MED13: variants seen among roughly 807,000 people sequenced by gnomAD.
MED13 encodes the protein mediator of RNA polymerase II transcription subunit 13.
MED13 carries 23 observed loss-of-function variants against 225.2 expected under a neutral mutation model. The ratio of observed to expected loss-of-function variants is 0.10; its 90% CI spans 0.07 to 0.14. The LOEUF (loss-of-function observed/expected upper bound fraction) is 0.14, where lower values mean the gene tolerates loss of function less well. Ranked by LOEUF, MED13 falls within the 10% of genes least tolerant of loss-of-function variation. The probability of loss-of-function intolerance (pLI) is 1.00; values close to 1 mark genes in which losing one functional copy is unlikely to be tolerated. For missense variants in MED13, 2,197 were observed against 2,594.5 expected (o/e 0.85, Z 3.33); for synonymous variants, 942 against 889.2 (o/e 1.06, Z -1.06).
Position 61,965,012 on chromosome 17 carries a change from G to A in MED13, c.4838C>T (p.Ser1613Phe), listed in dbSNP as rs760013138. 1.2e-5 allele frequency: 20 copies of A among 1,613,212 alleles called. No homozygotes were observed. Among genetic ancestry groups the A allele is most frequent in the Non-Finnish European group, 1.6e-5 (19 of 1,179,456 alleles). Residue 1613 changes from serine to phenylalanine, a missense_variant, in exon 20 of 30, where the codon TCT (serine) becomes TTT (phenylalanine). Ser to Phe is a radical substitution (Grantham distance 155). Around this residue, in one of 12 missense-constraint regions of MED13, gnomAD observed 457 missense variants for 442.2 expected, o/e 1.03. Transcript: ENST00000397786. The stretch of plus-strand genomic sequence containing the variant: ...TCAGTATTTTTAAAGGTACCTTTCA[G>A]ACACATCAGGATGCGGCTGAGTGGG... Reference protein sequence around the residue: ...SLPTQPHPDVSESTMDRDKVG... With the variant: ...SLPTQPHPDVFESTMDRDKVG...
rs531204501 is a variant in MED13 at position 61,986,367 on chromosome 17, G to T, written c.2385+640C>A. 5.9e-5 allele frequency among the ~76,000 whole-genome samples: 9 copies of T among 152,244 alleles called. No homozygotes were observed. The South Asian group carries it at 1.9e-3, about 32-fold the overall frequency. ...ATAGAAGTTTCCAAGCTACCTTTAT[G>T]CAGATGAAAAGGAATTCCCTTTTAT... On this transcript the variant is annotated intron_variant, in intron 12 of 29. Transcript: ENST00000397786.
At chr17:62,007,929 A>C (rs1223999020) in intron 9 of MED13, among the ~76,000 whole-genome samples, 2 of 146,672 alleles carry the variant, frequency 1.4e-5, no homozygotes, top group East Asian at 4.2e-4. Context: ...TGAGACAGGA[A>C]AATGGCCTGA....
At chr17:62,008,793 A>C (rs913762251) in intron 9 of MED13, among the ~76,000 whole-genome samples, 2 of 152,192 alleles carry the variant, frequency 1.3e-5, no homozygotes, top group African/African-American at 4.8e-5. Context: ...GAGTCTAATC[A>C]AAATGAAATC....
intron 17 of MED13, among the ~76,000 whole-genome samples, chr17:61,971,903 C>T (rs758908588): frequency 7.2e-5 from 11 of 151,966 alleles, no homozygotes; most frequent in Non-Finnish European, 1.2e-4. Flanking sequence ...CAGTGCACTC[C>T]AGCCTGGGCG....
intron 27 of MED13, 95 bp downstream of exon 27, chr17:61,952,870 C>T (rs947914671): frequency 1.5e-5 from 21 of 1,399,608 alleles, no homozygotes; most frequent in East Asian, 7.0e-5. Flanking sequence ...CTCCTGACCT[C>T]GTGATCCACC....
chr17:61,982,220 T>A lies in MED13; in HGVS notation c.3783A>T (p.Leu1261Phe), dbSNP rs775322768. 6.2e-7 allele frequency: 1 copy of A among 1,613,162 alleles called. No homozygotes were observed. Among genetic ancestry groups the A allele is most frequent in the Non-Finnish European group, 8.5e-7 (1 of 1,179,554 alleles). ...TACCGTTTCTTTTGGACCAGGGGTG[T>A]AAGCATGAACTTTTCACAAGTGCTT... ...VDEALVKSSC[L>F]HPWSKRNDVS... is the part of the protein sequence containing the mutation. The change falls in exon 16 of 30, where the codon TTA becomes TTT. Residue 1261 changes from leucine to phenylalanine, a missense_variant. Transcript: ENST00000397786.
At chr17:62,005,436 T>C (rs937042579) in intron 9 of MED13, 1 of 152,048 alleles carries the variant, frequency 6.6e-6, no homozygotes, top group Non-Finnish European at 1.5e-5. Context: ...TGAAACCTGA[T>C]CTCTACTAAA....
intron 8 of MED13, among the ~76,000 whole-genome samples, chr17:62,012,058 A>C (rs2080514842): frequency 6.6e-6 from 1 of 151,854 alleles, no homozygotes; most frequent in Admixed American, 6.6e-5. Context: ...CCTTACAAAA[A>C]ATAAAAAATT....
At chr17:61,971,951 A>G (rs1397183137) in intron 17 of MED13, among the ~76,000 whole-genome samples, 1 of 151,886 alleles carries the variant, frequency 6.6e-6, no homozygotes, top group Non-Finnish European at 1.5e-5. Flanking sequence ...AACCAAATAA[A>G]TAAAATAAAA....
At chr17:62,024,677 C>T (rs139702867) in intron 8 of MED13, among the ~76,000 whole-genome samples, 22 of 152,278 alleles carry the variant, frequency 1.4e-4, no homozygotes, top group Non-Finnish European at 2.9e-4. Flanking sequence ...ATTTTTTCTG[C>T]TCCTCTCCCT....
At chr17:62,011,299 T>C (rs2080506739) in intron 8 of MED13, 66 bp from the exon 9 acceptor site, 1 of 1,356,248 alleles carries the variant, frequency 7.4e-7, no homozygotes, top group African/African-American at 1.5e-5. Context: ...TAATACCAGT[T>C]AATAGTATTA....
chr17:62,033,011 A>G (rs2080771058), intron 5 of MED13, among the ~76,000 whole-genome samples: 1 of 152,084 alleles, frequency 6.6e-6, no homozygotes, highest in African/African-American at 2.4e-5. Flanking sequence ...TTAGGTGGGC[A>G]TGGTGGCATG....
rs189499992 is a variant in MED13, at chr17:61,977,642, G to A, written c.3805+4556C>T. Among the ~76,000 whole-genome samples the A allele has an allele frequency of 3.3e-3, 507 of 152,134 alleles. 4 individuals carry two copies. Among genetic ancestry groups the A allele is most frequent in the Non-Finnish European group, 5.2e-3 (351 of 67,988 alleles). On this transcript the variant is annotated intron_variant, in intron 16 of 29. Coordinates refer to ENST00000397786, the MANE Select transcript of MED13 (RefSeq NM_005121.3). ...AATTTTTTGTAGTTTTAGTAGAGACGGGGTTTTACCGTGTTAGCCAGGATG... is the reference window on the plus strand; with the variant it reads ...AATTTTTTGTAGTTTTAGTAGAGACAGGGTTTTACCGTGTTAGCCAGGATG...
At chr17:62,050,527 T>C (rs2080947695) in intron 3 of MED13, among the ~76,000 whole-genome samples, 1 of 151,214 alleles carries the variant, frequency 6.6e-6, no homozygotes, top group Non-Finnish European at 1.5e-5. Flanking sequence ...ACTAGATTAA[T>C]CCTAAATGAT....
chr17:62,057,084 C>T (rs568997210), intron 2 of MED13, among the ~76,000 whole-genome samples: 80 of 152,194 alleles, frequency 5.3e-4, no homozygotes, highest in African/African-American at 1.8e-3. Flanking sequence ...AAAAAAATGG[C>T]ATCTTTAAAT....
chr17:61,978,764 C>T (rs1169174619), intron 16 of MED13, among the ~76,000 whole-genome samples: 1 of 152,084 alleles, frequency 6.6e-6, no homozygotes, highest in Non-Finnish European at 1.5e-5. Flanking sequence ...TTAAAATAAT[C>T]TTTCCTTTTT....
chr17:62,011,105 C>A lies in MED13; in HGVS notation c.1412G>T (p.Arg471Leu). 1 of 1,614,154 alleles carries A rather than the reference C, an allele frequency of 6.2e-7. No homozygotes were observed. Among genetic ancestry groups the A allele is most frequent in the Non-Finnish European group, 8.5e-7 (1 of 1,180,010 alleles). ...ACGATGGTGAAAAGGAGTCAAGGGGCGTTTCTGTGGCTTTTCACTCTTTTC... is the reference window on the plus strand; with the variant it reads ...ACGATGGTGAAAAGGAGTCAAGGGGAGTTTCTGTGGCTTTTCACTCTTTTC... ...KQEKSEKPQK[R>L]PLTPFHHRVS... Residue 471 changes from arginine (R) to leucine (L), a missense_variant, in exon 9 of 30, where the codon CGC becomes CTC. Physicochemically the swap from Arg to Leu is moderately radical, Grantham distance 102. Transcript: ENST00000397786.
rs550601833 is a variant in MED13, at chr17:61,992,642, T to G, written c.2182-21A>C. 6.0e-6 allele frequency: 9 copies of G among 1,508,194 alleles called. No homozygotes were observed. In the African/African-American group the frequency reaches 1.2e-4, roughly 21 times the overall value. The allele number at this position is 1,508,194 out of a possible 1,614,324, so 93.4% of individuals were successfully genotyped here. A position where few individuals can be genotyped will look rare whatever the true frequency, so the allele number is the denominator to read the frequency against. On this transcript the variant is annotated intron_variant, in intron 10 of 29. Coordinates refer to ENST00000397786, the MANE Select transcript of MED13 (RefSeq NM_005121.3). ...TCTACCTGCAAACAAATATTTCATG[T>G]TAGGCTGAAATATATAATTTACCAA...
intron 3 of MED13, among the ~76,000 whole-genome samples, chr17:62,044,869 C>G (rs2080885453): frequency 6.6e-6 from 1 of 152,188 alleles, no homozygotes; most frequent in Admixed American, 6.5e-5. Flanking sequence ...ACCATGTTGG[C>G]CAGGCTAGTC....
Sources: allele counts gnomAD v4.1 joint callset (sites outside exome capture counted in the v4.1 genomes callset), GRCh38; gene constraint gnomAD v4.1.1; regional missense constraint gnomAD v4.1.1; transcripts MANE v1.5; gene names NCBI Gene and HGNC (gene_info 2026-07-23, HGNC 2026-07-21).